PARD3: variants seen among roughly 807,000 people sequenced by gnomAD.
PARD3 encodes the protein par-3 family cell polarity regulator, also known as partitioning defective 3 homolog.
Under a neutral mutation model 155.4 loss-of-function variants are expected in PARD3, and 75 were observed. The ratio of observed to expected loss-of-function variants is 0.48; its 90% CI spans 0.40 to 0.58. The LOEUF is 0.58. Ranked by LOEUF, PARD3 falls within the 20% of genes least tolerant of loss-of-function variation. The pLI is 0.00. For missense variants in PARD3, 1,642 were observed against 1,721.7 expected (o/e 0.95, Z 0.82); for synonymous variants, 576 against 610.5 (o/e 0.94, Z 0.83).
chr10:34,691,293 C>A (rs55907048), intron 2 of PARD3, among the ~76,000 whole-genome samples: 4,072 of 152,270 alleles, frequency 0.027, 78 homozygotes, highest in Non-Finnish European at 0.041. Flanking sequence ...TTCCTACACA[C>A]CAACAACATC....
rs369475637 is a variant in PARD3, at chr10:34,331,129, C to G, written c.2821G>C (p.Gly941Arg). 22 of 1,612,518 alleles carry G rather than the reference C, an allele frequency of 1.4e-5. 1 individual carries two copies. Among genetic ancestry groups the G allele is most frequent in the Non-Finnish European group, 1.9e-5 (22 of 1,178,720 alleles). ...DKPAVDDDDE[G>R]METLEEDTEE... ...ATTATAAACTTACAGGTCTCCATGC[C>G]TTCATCATCATCATCTACCGCGGGT... The change falls in exon 19 of 25, where the codon GGC (glycine) becomes CGC (arginine). Residue 941 changes from glycine (G) to arginine (R), a missense_variant. Around this residue, in one of 3 missense-constraint regions of PARD3, gnomAD observed 1,529 missense variants for 1,587.3 expected, o/e 0.96. Transcript: ENST00000374788.
intron 2 of PARD3, among the ~76,000 whole-genome samples, chr10:34,669,138 T>C (rs193252248): frequency 4.6e-5 from 7 of 152,322 alleles, no homozygotes; most frequent in African/African-American, 1.7e-4. Context: ...GAAGTCATTA[T>C]ATCAAAAAGA....
At chr10:34,603,211 A>G (rs1312849117) in intron 2 of PARD3, among the ~76,000 whole-genome samples, 2 of 152,174 alleles carry the variant, frequency 1.3e-5, no homozygotes, top group Non-Finnish European at 2.9e-5. Flanking sequence ...TCCCAGAATG[A>G]AGCAATAGTG....
At chr10:34,789,528 T>C (rs1199468379) in intron 1 of PARD3, among the ~76,000 whole-genome samples, 1 of 151,266 alleles carries the variant, frequency 6.6e-6, no homozygotes, top group Non-Finnish European at 1.5e-5. Flanking sequence ...TGAGACCCTG[T>C]CTCTACAAAA....
intron 4 of PARD3, among the ~76,000 whole-genome samples, chr10:34,461,060 A>G (rs1467736675): frequency 6.6e-6 from 1 of 152,198 alleles, no homozygotes; most frequent in Non-Finnish European, 1.5e-5. Context: ...CTACTACCAA[A>G]TTTCGAGAAA....
chr10:34,440,537 T>C (rs2076409859), intron 5 of PARD3, among the ~76,000 whole-genome samples: 1 of 152,122 alleles, frequency 6.6e-6, no homozygotes, highest in Non-Finnish European at 1.5e-5. Flanking sequence ...TCTAAATGTC[T>C]AGTTCTAGCA....
intron 23 of PARD3, among the ~76,000 whole-genome samples, chr10:34,121,691 T>C (rs1323975284): frequency 2.6e-5 from 4 of 152,178 alleles, no homozygotes; most frequent in African/African-American, 7.2e-5. Context: ...AATGAAGCAA[T>C]ATACAGGACA....
chr10:34,565,208 G>A (rs74132060), intron 2 of PARD3, among the ~76,000 whole-genome samples: 3,404 of 144,034 alleles, frequency 0.024, 143 homozygotes, highest in African/African-American at 0.084. Flanking sequence ...ACAGTTCTTC[G>A]TCTGGTCACT....
intron 7 of PARD3, among the ~76,000 whole-genome samples, chr10:34,388,792 A>G (rs1440460943): frequency 2.6e-5 from 4 of 152,196 alleles, no homozygotes; most frequent in Non-Finnish European, 4.4e-5. Flanking sequence ...TGCAAAAAAT[A>G]AAAGAGGTAG....
intron 1 of PARD3, among the ~76,000 whole-genome samples, chr10:34,761,335 C>T (rs2134017267): frequency 6.6e-6 from 1 of 152,242 alleles, no homozygotes; most frequent in Non-Finnish European, 1.5e-5. Context: ...CACTTGAACC[C>T]AGGAGGCTGA....
At chr10:34,432,162 G>C (rs890689654) in intron 5 of PARD3, among the ~76,000 whole-genome samples, 32 of 150,276 alleles carry the variant, frequency 2.1e-4, no homozygotes, top group African/African-American at 7.8e-4. Context: ...TTTTAAACTT[G>C]CAGGTGAGGA....
chr10:34,409,082 A>C (rs938645258), intron 5 of PARD3, among the ~76,000 whole-genome samples: 1 of 152,172 alleles, frequency 6.6e-6, no homozygotes, highest in Non-Finnish European at 1.5e-5. Context: ...TACTATTCTT[A>C]TCTCAAGCTA....
intron 3 of PARD3, 98 bp downstream of exon 3, chr10:34,516,881 G>C: frequency 8.5e-7 from 1 of 1,176,132 alleles, no homozygotes; most frequent in Non-Finnish European, 1.2e-6. Context: ...GAATAAAACA[G>C]ATAATTAATT....
intron 2 of PARD3, among the ~76,000 whole-genome samples, chr10:34,562,162 G>C (rs965583243): frequency 1.5e-4 from 22 of 146,386 alleles, no homozygotes; most frequent in African/African-American, 4.9e-4. Context: ...AGGCTTGTTG[G>C]GGGGTGGCTC....
chr10:34,496,866 T>G (rs990156767), intron 3 of PARD3, among the ~76,000 whole-genome samples: 1 of 152,194 alleles, frequency 6.6e-6, no homozygotes, highest in Non-Finnish European at 1.5e-5. Flanking sequence ...TTTTTGTTAT[T>G]AAACAGTACT....
chr10:34,712,092 C>T (rs192965065), intron 1 of PARD3, among the ~76,000 whole-genome samples: 1 of 152,282 alleles, frequency 6.6e-6, no homozygotes, highest in Admixed American at 6.5e-5. Flanking sequence ...CTTACTCATA[C>T]CCCAGAAAAA....
Position 34,753,397 on chromosome 10 carries a change from C to T in PARD3, c.121-56978G>A, listed in dbSNP as rs933766473. ...ACTGCTGGAAGACACCAATTCATTT[C>T]GTCCTTACTATCCTCCTACAAAAGA... On this transcript the variant is annotated intron_variant, in intron 1 of 24. Coordinates refer to ENST00000374788, the MANE Select transcript of PARD3 (RefSeq NM_001184785.2). 4.6e-5 allele frequency among the ~76,000 whole-genome samples: 7 copies of T among 152,324 alleles called. No homozygotes were observed. The East Asian group carries it at 9.6e-4, about 21-fold the overall frequency.
At chr10:34,206,875 TAA>T (rs994397013) in intron 22 of PARD3, among the ~76,000 whole-genome samples, 2 of 152,038 alleles carry the variant, frequency 1.3e-5, no homozygotes, top group South Asian at 2.1e-4. Context: ...TGGTCTGGAG[TAA>T]AGTCTCACCT....
chr10:34,387,159 C>T (rs1000634132), intron 7 of PARD3, among the ~76,000 whole-genome samples: 14 of 152,050 alleles, frequency 9.2e-5, no homozygotes, highest in Admixed American at 3.9e-4. Flanking sequence ...AAATCATAAG[C>T]GATTTCCCAA....
Sources: allele counts gnomAD v4.1 joint callset (sites outside exome capture counted in the v4.1 genomes callset), GRCh38; gene constraint gnomAD v4.1.1; regional missense constraint gnomAD v4.1.1; transcripts MANE v1.5; gene names NCBI Gene and HGNC (gene_info 2026-07-23, HGNC 2026-07-21).